The following TSNAXIP1 variants were observed in gnomAD, a reference collection of about 807,000 sequenced individuals.
TSNAXIP1 encodes translin-associated factor X-interacting protein 1.
In TSNAXIP1, 89 loss-of-function variants were observed where a neutral mutation model predicts 84.8. The ratio of observed to expected loss-of-function variants is 1.05; its 90% CI spans 0.88 to 1.25. The LOEUF (loss-of-function observed/expected upper bound fraction) is 1.25, where lower values mean the gene tolerates loss of function less well. TSNAXIP1 is among the 50% of genes most tolerant of loss of function. The pLI, the probability that TSNAXIP1 is intolerant of heterozygous loss-of-function variation, is 0.00. For synonymous variants in TSNAXIP1, 347 were observed against 335.2 expected, an observed-to-expected ratio of 1.04 and a Z score of -0.39; for missense variants, 874 against 887.6, an observed-to-expected ratio of 0.98 and a Z score of 0.20.
intron 9 of TSNAXIP1, 32 bp from the exon 10 acceptor site, chr16:67,826,120 C>T (rs566781258): frequency 6.2e-7 from 1 of 1,613,098 alleles, no homozygotes; most frequent in East Asian, 2.2e-5. Flanking sequence ...TACATGTGGG[C>T]CCAGACTCCA....
chr16:67,825,200 T>A lies in TSNAXIP1; in HGVS notation c.742T>A (p.Cys248Ser), dbSNP rs1459184988. The change falls in exon 7 of 16, where the codon TGT becomes AGT. Residue 248 changes from cysteine to serine, a missense_variant. Cys to Ser is a moderately radical substitution (Grantham distance 112, BLOSUM62 -1). Transcript: ENST00000561639. ...GCACTACCTCAGTGAGCGAGATGCC[T>A]GTAAGATCCTCATCGCAGACCTGAA... ...YLHYLSERDACKILIADLNEL... is the reference protein window; with the variant it reads ...YLHYLSERDASKILIADLNEL... 6.2e-7 allele frequency: 1 copy of A among 1,614,054 alleles called. No homozygotes were observed. The highest frequency in any genetic ancestry group is 8.5e-7 in the Non-Finnish European group (1 of 1,180,040).
intron 4 of TSNAXIP1, among the ~76,000 whole-genome samples, chr16:67,823,237 G>A (rs1202680238): frequency 6.6e-6 from 1 of 152,132 alleles, no homozygotes; most frequent in Non-Finnish European, 1.5e-5. Flanking sequence ...CTGGAATACT[G>A]CTAAGCCCAG....
chr16:67,815,660 G>T (rs1314433299), intron 2 of TSNAXIP1, among the ~76,000 whole-genome samples: 1 of 151,996 alleles, frequency 6.6e-6, no homozygotes, highest in Non-Finnish European at 1.5e-5. Context: ...CACCACACCT[G>T]GCTATTTTTT....
intron 2 of TSNAXIP1, among the ~76,000 whole-genome samples, chr16:67,816,308 T>A (rs925985709): frequency 6.6e-6 from 1 of 152,128 alleles, no homozygotes; most frequent in Admixed American, 6.5e-5. Flanking sequence ...CTTGTTGATA[T>A]GATCATAGGA....
At chr16:67,812,825 C>T (rs2056212293) in intron 1 of TSNAXIP1, among the ~76,000 whole-genome samples, 1 of 152,202 alleles carries the variant, frequency 6.6e-6, no homozygotes, top group Admixed American at 6.5e-5. Context: ...TGCTCAGGCT[C>T]ATCTCGAACT....
intron 10 of TSNAXIP1, 39 bp from the exon 11 acceptor site, chr16:67,826,398 C>T (rs1189827847): frequency 6.2e-7 from 1 of 1,610,820 alleles, no homozygotes; most frequent in Admixed American, 1.7e-5. Flanking sequence ...GGTGGGGCCA[C>T]AGATGGGTCC....
chr16:67,809,090 A>G (rs1391324397), intron 1 of TSNAXIP1, among the ~76,000 whole-genome samples: 1 of 145,352 alleles, frequency 6.9e-6, no homozygotes, highest in Non-Finnish European at 1.5e-5. Flanking sequence ...GGATTACTTG[A>G]ACCCAGAAGT....
chr16:67,826,741 G>T lies in TSNAXIP1; in HGVS notation c.1451G>T (p.Gly484Val). Reference protein sequence around the residue: ...FFFNFLEHRFGPSDAMAWAYT... With the variant: ...FFFNFLEHRFVPSDAMAWAYT... The stretch of plus-strand genomic sequence containing the variant: ...TTCAATTTCCTGGAGCATCGCTTTG[G>T]GCCCAGTGATGCCATGGCCTGGGCT... Residue 484 changes from glycine (G) to valine (V), a missense_variant, in exon 12 of 16, where the codon GGG becomes GTG. Transcript: ENST00000561639. The T allele has an allele frequency of 6.2e-7, 1 of 1,614,088 alleles. No homozygotes were observed. The highest frequency in any genetic ancestry group is 2.2e-5 in the East Asian group (1 of 44,878).
intron 4 of TSNAXIP1, among the ~76,000 whole-genome samples, chr16:67,822,742 G>A (rs1366041845): frequency 6.6e-6 from 1 of 152,200 alleles, no homozygotes; most frequent in East Asian, 1.9e-4. Flanking sequence ...AAGGCCCTGG[G>A]CTGGGGCCTT....
chr16:67,818,820 C>T (rs1413135081), intron 2 of TSNAXIP1, among the ~76,000 whole-genome samples: 1 of 151,606 alleles, frequency 6.6e-6, no homozygotes, highest in Non-Finnish European at 1.5e-5. Context: ...TCTTCTGCCT[C>T]GGCCTCCGAA....
Position 67,826,845 on chromosome 16 carries a change from G to A in TSNAXIP1, c.1554+1G>A. ...GTTCTATGCAGTCTTGATGGGAAAG[G>A]TGAGCTGGGGCCTATTCCCCTTGGG... On this transcript the variant is annotated splice_donor_variant, in intron 12 of 15. Transcript: ENST00000561639. LOFTEE classifies it high-confidence loss of function. The A allele has an allele frequency of 6.2e-7, 1 of 1,613,202 alleles. No homozygotes were observed. Among genetic ancestry groups the A allele is most frequent in the Non-Finnish European group, 8.5e-7 (1 of 1,179,906 alleles).
intron 4 of TSNAXIP1, 59 bp from the exon 5 acceptor site, chr16:67,823,567 T>C: frequency 7.3e-7 from 1 of 1,378,974 alleles, no homozygotes; most frequent in South Asian, 1.2e-5. Context: ...AGAAAAACAG[T>C]TCCCCACTAA....
intron 2 of TSNAXIP1, among the ~76,000 whole-genome samples, chr16:67,817,747 CG>C (rs2056702654): frequency 7.0e-6 from 1 of 143,744 alleles, no homozygotes. Flanking sequence ...CAAAATTTGC[CG>C]GGTGTGGTGG....
At position 67,825,210 on chromosome 16, in the gene TSNAXIP1, T is replaced by A. The variant is rs1341702421; in HGVS notation, c.752T>A (p.Leu251His). The A allele has an allele frequency of 1.2e-6, 2 of 1,614,158 alleles. No homozygotes were observed. The highest frequency in any genetic ancestry group is 3.3e-5 in the Admixed American group (2 of 60,018). Residue 251 changes from leucine to histidine, a missense_variant, in exon 7 of 16, where the codon CTC becomes CAC. By Grantham distance (99) the Leu-to-His change is moderately conservative. Transcript: ENST00000561639. ...AGTGAGCGAGATGCCTGTAAGATCC[T>A]CATCGCAGACCTGAATGAGCTGCGG... ...YLSERDACKI[L>H]IADLNELRYQ...
At chr16:67,807,583 G>A (rs1181411015) in intron 1 of TSNAXIP1, 20 of 361,226 alleles carry the variant, frequency 5.5e-5, no homozygotes, top group Non-Finnish European at 9.9e-5. Context: ...TTCTACCTCA[G>A]CCTCCCGAGT....
chr16:67,819,197 A>G (rs2064125053), intron 2 of TSNAXIP1, among the ~76,000 whole-genome samples: 1 of 151,558 alleles, frequency 6.6e-6, no homozygotes, highest in South Asian at 2.1e-4. Context: ...AAATAAATAC[A>G]TACATATAAA....
chr16:67,812,668 G>GAAA (rs542677734), intron 1 of TSNAXIP1, among the ~76,000 whole-genome samples: 3 of 131,432 alleles, frequency 2.3e-5, no homozygotes, highest in African/African-American at 8.1e-5. Flanking sequence ...TCTGTCTCAA[G>GAAA]AAAAAAAAAA....
intron 1 of TSNAXIP1, among the ~76,000 whole-genome samples, chr16:67,811,649 G>A (rs2056097351): frequency 6.6e-6 from 1 of 151,510 alleles, no homozygotes; most frequent in Non-Finnish European, 1.5e-5. Context: ...TCACTATGTT[G>A]GCCAGGCTGG....
intron 2 of TSNAXIP1, among the ~76,000 whole-genome samples, chr16:67,817,288 T>A (rs1243484404): frequency 6.6e-6 from 1 of 150,838 alleles, no homozygotes; most frequent in Non-Finnish European, 1.5e-5. Flanking sequence ...TAGCTGGGAC[T>A]ACAGGCGCCC....
Sources: allele counts gnomAD v4.1 joint callset (sites outside exome capture counted in the v4.1 genomes callset), GRCh38; gene constraint gnomAD v4.1.1; transcripts MANE v1.5; gene names NCBI Gene and HGNC (gene_info 2026-07-23, HGNC 2026-07-21).